The following NLGN4Y variants were observed in gnomAD, a reference collection of about 807,000 sequenced individuals.
NLGN4Y encodes the protein neuroligin 4 Y-linked.
A neutral mutation model predicts 8.4 loss-of-function variants in NLGN4Y; 4 were observed. The ratio of observed to expected loss-of-function variants is 0.48; its 90% confidence interval spans 0.23 to 1.09. The LOEUF is 1.09. NLGN4Y is among the 50% of genes least tolerant of loss of function. The probability of loss-of-function intolerance (pLI) is 0.19; values close to 1 mark genes in which losing one functional copy is unlikely to be tolerated. For synonymous variants in NLGN4Y, 35 were observed against 75.6 expected (o/e 0.46, Z 2.78); for missense variants, 90 against 192.3 (o/e 0.47, Z 3.15).
chrY:14,807,499 A>C (rs918921800), intron 4 of NLGN4Y, among the ~76,000 whole-genome samples: 5 of 32,197 alleles, frequency 1.6e-4, no homozygotes, highest in Non-Finnish European at 3.0e-4. Flanking sequence ...GTTTTAAAAT[A>C]CTCTCATTAA....
intron 2 of NLGN4Y, among the ~76,000 whole-genome samples, chrY:14,710,514 T>TA (rs2080896331): frequency 3.0e-5 from 1 of 33,702 alleles, no homozygotes; most frequent in Admixed American, 2.7e-4. Flanking sequence ...AGTTCATCTC[T>TA]AAAAAACAAA....
intron 1 of NLGN4Y, among the ~76,000 whole-genome samples, chrY:14,614,783 A>T: frequency 3.1e-5 from 1 of 32,573 alleles, no homozygotes; most frequent in South Asian, 6.9e-4. Flanking sequence ...GTTCTGTTCC[A>T]TTGGTCTATA....
intron 2 of NLGN4Y, among the ~76,000 whole-genome samples, chrY:14,703,277 G>C (rs2150545804): frequency 3.0e-5 from 1 of 33,359 alleles, no homozygotes; most frequent in African/African-American, 1.2e-4. Context: ...TTTTCTTCTA[G>C]GGTTTTTATG....
chrY:14,535,534 A>G (rs901689826), intron 1 of NLGN4Y, among the ~76,000 whole-genome samples: 14 of 31,281 alleles, frequency 4.5e-4, no homozygotes, highest in Non-Finnish European at 8.4e-4. Context: ...TACCAGGGAG[A>G]AAGTGTAGCA....
intron 4 of NLGN4Y, among the ~76,000 whole-genome samples, chrY:14,803,695 G>C: frequency 3.1e-5 from 1 of 32,783 alleles, no homozygotes; most frequent in Admixed American, 2.9e-4. Flanking sequence ...AAAGAACTAG[G>C]TTTCAGTCAT....
chrY:14,813,621 C>T, intron 4 of NLGN4Y, among the ~76,000 whole-genome samples: 2 of 33,570 alleles, frequency 6.0e-5, no homozygotes, highest in Non-Finnish European at 1.5e-4. Flanking sequence ...AAAGGCATCT[C>T]AAAAGGCCAA....
intron 2 of NLGN4Y, among the ~76,000 whole-genome samples, chrY:14,703,445 AG>A (rs2080862793): frequency 3.0e-5 from 1 of 33,266 alleles, no homozygotes; most frequent in African/African-American, 1.2e-4. Flanking sequence ...GGTTTTTCTC[AG>A]GTTTGACAAA....
intron 2 of NLGN4Y, among the ~76,000 whole-genome samples, chrY:14,628,692 T>G (rs2150510819): frequency 2.9e-5 from 1 of 34,023 alleles, no homozygotes; most frequent in South Asian, 6.7e-4. Context: ...ATCGTTGCTG[T>G]TGTTACTACT....
chrY:14,567,219 A>ATT (rs751311222), intron 1 of NLGN4Y, among the ~76,000 whole-genome samples: 3 of 13,178 alleles, frequency 2.3e-4, no homozygotes, highest in Non-Finnish European at 3.3e-4. Context: ...TTTGCTTTGA[A>ATT]TTTTTTTTTT....
chrY:14,663,594 C>CAA (rs2080682345), intron 2 of NLGN4Y, among the ~76,000 whole-genome samples: 2 of 32,798 alleles, frequency 6.1e-5, no homozygotes, highest in Admixed American at 2.8e-4. Flanking sequence ...ACATCTGAGG[C>CAA]AGGTCAGGAG....
intron 1 of NLGN4Y, among the ~76,000 whole-genome samples, chrY:14,610,416 ATCAGTT>A: frequency 3.0e-5 from 1 of 33,117 alleles, no homozygotes; most frequent in South Asian, 6.8e-4. Flanking sequence ...CTTTGTTCTT[ATCAGTT>A]TCAAAGAACT....
intron 4 of NLGN4Y, among the ~76,000 whole-genome samples, chrY:14,819,719 G>A: frequency 3.0e-5 from 1 of 33,242 alleles, no homozygotes; most frequent in Admixed American, 2.7e-4. Context: ...TTCAAGCTTT[G>A]CCTTGTTGTG....
intron 4 of NLGN4Y, among the ~76,000 whole-genome samples, chrY:14,757,463 T>C (rs2081065239): frequency 6.0e-5 from 2 of 33,541 alleles, no homozygotes; most frequent in Non-Finnish European, 1.5e-4. Flanking sequence ...ATCACTCTTA[T>C]GTTTCTTCCT....
chrY:14,828,253 T>TTA (rs2043155839), intron 5 of NLGN4Y, among the ~76,000 whole-genome samples: 1 of 31,848 alleles, frequency 3.1e-5, no homozygotes, highest in Non-Finnish European at 7.6e-5. Flanking sequence ...TATATGTTAC[T>TTA]TATATATATG....
chrY:14,794,017 T>G (rs2042997866), intron 4 of NLGN4Y: 2 of 27,462 alleles, frequency 7.3e-5, no homozygotes, highest in Non-Finnish European at 1.7e-4. Context: ...AAAAAAAAAG[T>G]TAGAAGTTGT....
intron 4 of NLGN4Y, among the ~76,000 whole-genome samples, chrY:14,779,567 C>T: frequency 3.0e-5 from 1 of 33,299 alleles, no homozygotes; most frequent in African/African-American, 1.2e-4. Context: ...GCCAGCCAGC[C>T]AGCCTGTCTT....
intron 4 of NLGN4Y, among the ~76,000 whole-genome samples, chrY:14,726,686 C>T (rs2080956335): frequency 6.0e-5 from 2 of 33,521 alleles, no homozygotes; most frequent in Non-Finnish European, 1.5e-4. Context: ...ATAATTTTTC[C>T]AGAGCTTATT....
At chrY:14,703,463 A>T (rs769489584) in intron 2 of NLGN4Y, among the ~76,000 whole-genome samples, 25 of 33,251 alleles carry the variant, frequency 7.5e-4, no homozygotes, top group Non-Finnish European at 1.5e-3. Context: ...CAAAGATCAG[A>T]TGGTTGTAGA....
intron 4 of NLGN4Y, among the ~76,000 whole-genome samples, chrY:14,773,461 G>C: frequency 3.0e-5 from 1 of 32,944 alleles, no homozygotes; most frequent in Non-Finnish European, 7.5e-5. Flanking sequence ...CTCATGGATA[G>C]GAAGAATCAA....
Sources: gnomAD v4.1 joint callset for allele counts (sites outside exome capture counted in the v4.1 genomes callset) on GRCh38, gnomAD v4.1.1 for gene constraint, MANE v1.5 for transcripts, NCBI Gene and HGNC (gene_info 2026-07-23, HGNC 2026-07-21) for gene names.